The following ARHGAP18 variants were observed in gnomAD, a reference collection of about 807,000 sequenced individuals.
ARHGAP18 encodes rho GTPase-activating protein 18.
Under a neutral mutation model 86.2 loss-of-function variants are expected in ARHGAP18, and 67 were observed. That is an observed-to-expected ratio of 0.78 (90% CI 0.64 to 0.95). The LOEUF (loss-of-function observed/expected upper bound fraction) is 0.95, where lower values mean the gene tolerates loss of function less well. Ranked by LOEUF, ARHGAP18 falls within the 40% of genes least tolerant of loss-of-function variation. ARHGAP18 has a pLI of 0.00. For synonymous variants in ARHGAP18, 283 were observed against 280.4 expected (o/e 1.01, Z -0.09); for missense variants, 691 against 780.4 (o/e 0.89, Z 1.37).
intron 1 of ARHGAP18, among the ~76,000 whole-genome samples, chr6:129,663,769 C>T (rs1042690088): frequency 1.3e-5 from 2 of 152,202 alleles, no homozygotes; most frequent in Non-Finnish European, 2.9e-5. Context: ...GGCTAAAGAA[C>T]AATTAGCCAC....
At chr6:129,633,414 G>T (rs1412930440) in intron 4 of ARHGAP18, among the ~76,000 whole-genome samples, 1 of 130,550 alleles carries the variant, frequency 7.7e-6, no homozygotes, top group Non-Finnish European at 1.6e-5. Flanking sequence ...TAGCCTGGGA[G>T]ACAGAGCAAG....
intron 1 of ARHGAP18, among the ~76,000 whole-genome samples, chr6:129,648,150 T>C (rs1374062263): frequency 2.6e-5 from 4 of 152,036 alleles, no homozygotes; most frequent in Non-Finnish European, 5.9e-5. Flanking sequence ...TCTTTTCCAA[T>C]GCACTTTTTT....
At chr6:129,664,862 G>T (rs1163315830) in intron 1 of ARHGAP18, among the ~76,000 whole-genome samples, 1 of 152,168 alleles carries the variant, frequency 6.6e-6, no homozygotes, top group Non-Finnish European at 1.5e-5. Context: ...TGGGTAGCAG[G>T]GAGCAGTTTA....
intron 13 of ARHGAP18, 68 bp from the exon 14 acceptor site, chr6:129,580,199 G>T: frequency 7.3e-7 from 1 of 1,371,750 alleles, no homozygotes; most frequent in Non-Finnish European, 1.0e-6. Context: ...ACTTTAACGT[G>T]CTTGGGGAAT....
intron 5 of ARHGAP18, among the ~76,000 whole-genome samples, chr6:129,625,111 TTATATAGA>T (rs1428044528): frequency 1.8e-5 from 1 of 56,834 alleles, no homozygotes; most frequent in Non-Finnish European, 3.5e-5. Context: ...ATATTATATA[TTATATAGA>T]TATATATTAT....
intron 1 of ARHGAP18, among the ~76,000 whole-genome samples, chr6:129,652,801 A>G (rs1773742364): frequency 6.6e-6 from 1 of 152,232 alleles, no homozygotes; most frequent in African/African-American, 2.4e-5. Flanking sequence ...CTATTGATTC[A>G]TAATACCTGT....
intron 1 of ARHGAP18, among the ~76,000 whole-genome samples, chr6:129,705,636 T>A (rs771927368): frequency 6.6e-6 from 1 of 152,218 alleles, no homozygotes; most frequent in African/African-American, 2.4e-5. Context: ...CAAAATAATA[T>A]TCAGAAAAAC....
intron 1 of ARHGAP18, among the ~76,000 whole-genome samples, chr6:129,705,563 G>A (rs1774790631): frequency 6.6e-6 from 1 of 152,058 alleles, no homozygotes; most frequent in South Asian, 2.1e-4. Flanking sequence ...TTACATTATG[G>A]TTCATTCTCA....
At chr6:129,653,062 A>C (rs1773750478) in intron 1 of ARHGAP18, among the ~76,000 whole-genome samples, 1 of 152,216 alleles carries the variant, frequency 6.6e-6, no homozygotes, top group African/African-American at 2.4e-5. Flanking sequence ...TATGAAAGAG[A>C]CATGGGCATT....
At position 129,579,775 on chromosome 6, in the gene ARHGAP18, T is replaced by G. The variant is rs1280974555; in HGVS notation, c.1900+295A>C. On this transcript the variant is annotated intron_variant, in intron 14 of 14. Transcript: ENST00000368149. ...CCTTTACTATGTGACATGAGTATAT[T>G]ACAAAGAAGAGAGTTTTGAAAAACT... Among the ~76,000 whole-genome samples, 3 of 152,218 alleles carry G rather than the reference T, an allele frequency of 2.0e-5. No individual in the cohort carries two copies. The East Asian group carries it at 5.8e-4, about 29-fold the overall frequency.
chr6:129,708,718 C>T (rs1444632915), intron 1 of ARHGAP18, among the ~76,000 whole-genome samples: 2 of 152,178 alleles, frequency 1.3e-5, no homozygotes, highest in African/African-American at 4.8e-5. Flanking sequence ...CATGTGGAAT[C>T]CAAGTTATGG....
intron 1 of ARHGAP18, among the ~76,000 whole-genome samples, chr6:129,695,470 G>T (rs1428592620): frequency 6.6e-6 from 1 of 152,172 alleles, no homozygotes; most frequent in East Asian, 1.9e-4. Context: ...TGTGTAAATA[G>T]CTATAAGAAT....
intron 12 of ARHGAP18, among the ~76,000 whole-genome samples, chr6:129,589,825 G>A (rs951287117): frequency 1.3e-5 from 2 of 152,170 alleles, no homozygotes; most frequent in Admixed American, 1.3e-4. Context: ...TGCAAGCTGA[G>A]GAGCAAGGAA....
At chr6:129,642,403 G>A (rs1773487651) in intron 1 of ARHGAP18, among the ~76,000 whole-genome samples, 1 of 151,932 alleles carries the variant, frequency 6.6e-6, no homozygotes, top group Non-Finnish European at 1.5e-5. Flanking sequence ...TCCCACCTCA[G>A]TCTCCTGAGG....
Position 129,584,045 on chromosome 6 carries a change from T to A in ARHGAP18, c.1781A>T (p.Gln594Leu), listed in dbSNP as rs982698635. The A allele has an allele frequency of 6.2e-7, 1 of 1,613,824 alleles. No homozygotes were observed. ...ACTGGCTTTTAGTTCTTCAGTTAGC[T>A]GTATTGCCATGGAAACTTTCGAAAG... ...PHLSKVSMAI[Q>L]LTEELKASDV... is the part of the protein sequence containing the mutation. The change falls in exon 13 of 15, where the codon CAG (glutamine) becomes CTG (leucine). Residue 594 changes from glutamine to leucine, a missense_variant. By Grantham distance (113) the Gln-to-Leu change is moderately radical. Coordinates refer to ENST00000368149, the MANE Select transcript of ARHGAP18 (RefSeq NM_033515.3).
intron 1 of ARHGAP18, among the ~76,000 whole-genome samples, chr6:129,667,748 G>A (rs1210093006): frequency 1.3e-5 from 2 of 152,004 alleles, no homozygotes; most frequent in African/African-American, 4.8e-5. Flanking sequence ...TTCCCAGCAG[G>A]CTCTTGGCCA....
At chr6:129,650,559 G>T (rs1158723524) in intron 1 of ARHGAP18, among the ~76,000 whole-genome samples, 1 of 152,110 alleles carries the variant, frequency 6.6e-6, no homozygotes, top group Non-Finnish European at 1.5e-5. Flanking sequence ...TAGCCAAATG[G>T]GAACCTAGGA....
At chr6:129,593,238 T>C (rs928601754) in intron 12 of ARHGAP18, among the ~76,000 whole-genome samples, 1 of 152,040 alleles carries the variant, frequency 6.6e-6, no homozygotes, top group African/African-American at 2.4e-5. Flanking sequence ...GGAGGGAGGA[T>C]CGCTTCATGC....
intron 11 of ARHGAP18, among the ~76,000 whole-genome samples, chr6:129,599,833 A>G (rs1006043168): frequency 6.6e-6 from 1 of 152,218 alleles, no homozygotes; most frequent in Admixed American, 6.5e-5. Flanking sequence ...AAAATCCAGA[A>G]CAAATTTATC....
Sources: gnomAD v4.1 joint callset for allele counts (sites outside exome capture counted in the v4.1 genomes callset) on GRCh38, gnomAD v4.1.1 for gene constraint, MANE v1.5 for transcripts, NCBI Gene and HGNC (gene_info 2026-07-23, HGNC 2026-07-21) for gene names.